The following SLC25A16 variants were observed in gnomAD, a reference collection of about 807,000 sequenced individuals.
SLC25A16 encodes mitochondrial coenzyme A transporter SLC25A16.
In SLC25A16, 39 loss-of-function variants were observed where a neutral mutation model predicts 41.5. The ratio of observed to expected loss-of-function variants is 0.94; its 90% confidence interval spans 0.73 to 1.23. SLC25A16 has a LOEUF of 1.23. SLC25A16 is among the 50% of genes most tolerant of loss of function. The probability of loss-of-function intolerance (pLI) is 0.00; values close to 1 mark genes in which losing one functional copy is unlikely to be tolerated. For synonymous variants in SLC25A16, 146 were observed against 147.8 expected, an observed-to-expected ratio of 0.99 and a Z score of 0.09; for missense variants, 421 against 426.9, an observed-to-expected ratio of 0.99 and a Z score of 0.12.
At chr10:68,516,341 A>T (rs1393794242) in intron 2 of SLC25A16, among the ~76,000 whole-genome samples, 3 of 152,094 alleles carry the variant, frequency 2.0e-5, no homozygotes, top group Non-Finnish European at 4.4e-5. Context: ...TTTTTAAAAG[A>T]GGCAAAGGCA....
In SLC25A16 at chr10:68,480,108, T is replaced by TC. The variant is rs1218770340; in HGVS notation, c.*3323dup. ...ATTACTGAAAACTAGGAGGTATACC[T>TC]CACTTATCAATCTGGAAACCAGACC... is the stretch of plus-strand genomic sequence containing the variant. On this transcript the variant is annotated 3_prime_UTR_variant, in exon 9 of 9. Transcript: ENST00000609923. 1 of 151,788 alleles carries TC rather than the reference T, an allele frequency of 6.6e-6. No homozygotes were observed. The highest frequency in any genetic ancestry group is 1.5e-5 in the Non-Finnish European group (1 of 67,982). The allele number at this position is 151,788 out of a possible 1,614,324, so 9.4% of individuals were successfully genotyped here.
At chr10:68,525,829 G>C (rs2053328665) in intron 1 of SLC25A16, among the ~76,000 whole-genome samples, 1 of 151,882 alleles carries the variant, frequency 6.6e-6, no homozygotes, top group East Asian at 1.9e-4. Flanking sequence ...TCTGAAACAT[G>C]TGCTGTGTCA....
rs532928404 is a variant in SLC25A16 at position 68,504,075 on chromosome 10, G to C, written c.358-380C>G. 3.1e-5 allele frequency among the ~76,000 whole-genome samples: 4 copies of C among 128,796 alleles called. No homozygotes were observed. In the East Asian group the frequency reaches 9.6e-4, roughly 31 times the overall value. 84.5% of individuals were successfully genotyped at this position (128,796 alleles called of 152,430 possible). A position where few individuals can be genotyped will look rare whatever the true frequency, so the allele number is the denominator to read the frequency against. ...AAGTCTCGCTCTGTGTCCCAGGCTG[G>C]ATTGCAGTGGCACGATCTCGGCTCA... On this transcript the variant is annotated intron_variant, in intron 3 of 8. Coordinates refer to ENST00000609923, the MANE Select transcript of SLC25A16 (RefSeq NM_152707.4).
intron 1 of SLC25A16, among the ~76,000 whole-genome samples, chr10:68,524,002 G>A (rs1313747102): frequency 2.0e-5 from 3 of 150,938 alleles, no homozygotes; most frequent in Non-Finnish European, 4.4e-5. Flanking sequence ...CTGGGAGGCC[G>A]AGGTGGGTGG....
Position 68,484,424 on chromosome 10 carries a change from C to CTT in SLC25A16, c.843-838_843-837dup, listed in dbSNP as rs35608830. The stretch of plus-strand genomic sequence containing the variant: ...TCTGGACCGAAATCTTTTCAAAAAT[C>CTT]TTTTTTTTTTTTTTTTTTTAAGAGA... On this transcript the variant is annotated intron_variant, in intron 8 of 8. Coordinates refer to ENST00000609923, the MANE Select transcript of SLC25A16 (RefSeq NM_152707.4). Among the ~76,000 whole-genome samples the CTT allele has an allele frequency of 7.1e-4, 91 of 127,534 alleles. 1 individual carries two copies. Among genetic ancestry groups the CTT allele is most frequent in the African/African-American group, 1.8e-3 (64 of 34,990 alleles). The allele number at this position is 127,534 out of a possible 152,430, so 83.7% of individuals were successfully genotyped here. A position where few individuals can be genotyped will look rare whatever the true frequency, so the allele number is the denominator to read the frequency against.
intron 8 of SLC25A16, among the ~76,000 whole-genome samples, chr10:68,486,224 AAC>A (rs1491054178): frequency 8.0e-6 from 1 of 125,130 alleles, no homozygotes; most frequent in African/African-American, 3.3e-5. Flanking sequence ...GTCTCAAAAA[AAC>A]AAAACAAAAA....
intron 4 of SLC25A16, chr10:68,499,763 A>C (rs2052809615): frequency 7.5e-6 from 3 of 399,668 alleles, no homozygotes; most frequent in African/African-American, 2.1e-5. Context: ...TACAGGAAGA[A>C]ATGTCATCTA....
At chr10:68,525,061 A>G (rs1168961301) in intron 1 of SLC25A16, among the ~76,000 whole-genome samples, 1 of 152,006 alleles carries the variant, frequency 6.6e-6, no homozygotes, top group East Asian at 1.9e-4. Context: ...CAACAACAAC[A>G]ACAAAAAAAA....
rs547037057 is a variant in SLC25A16 at position 68,482,083 on chromosome 10, G to T, written c.*1349C>A. 30 of 152,246 alleles carry T rather than the reference G, an allele frequency of 2.0e-4. No individual in the cohort carries two copies. The highest frequency in any genetic ancestry group is 6.7e-4 in the African/African-American group (28 of 41,534). The allele number at this position is 152,246 out of a possible 1,614,324, so 9.4% of individuals were successfully genotyped here. A position where few individuals can be genotyped will look rare whatever the true frequency, so the allele number is the denominator to read the frequency against. ...CAAAAATTAGCCAGGCGAATTTTTG[G>T]TGGTGGGCACCTGTAGTCCCAGCTA... On this transcript the variant is annotated 3_prime_UTR_variant, in exon 9 of 9. Coordinates refer to ENST00000609923, the MANE Select transcript of SLC25A16 (RefSeq NM_152707.4).
At chr10:68,492,553 G>A (rs905890508) in intron 6 of SLC25A16, among the ~76,000 whole-genome samples, 1 of 152,092 alleles carries the variant, frequency 6.6e-6, no homozygotes, top group Non-Finnish European at 1.5e-5. Context: ...TAGATCACCT[G>A]AGGTCGGGAG....
intron 1 of SLC25A16, among the ~76,000 whole-genome samples, chr10:68,523,298 G>A (rs2053277631): frequency 6.6e-6 from 1 of 151,998 alleles, no homozygotes; most frequent in Non-Finnish European, 1.5e-5. Flanking sequence ...TCACTATGTT[G>A]CCCAGGCTGG....
chr10:68,487,244 A>C, intron 7 of SLC25A16, 32 bp from the exon 8 acceptor site: 1 of 1,597,442 alleles, frequency 6.3e-7, no homozygotes, highest in Middle Eastern at 1.7e-4. Flanking sequence ...AAGAATTAAA[A>C]ATTTTTGGTT....
chr10:68,501,784 G>T (rs963332573), intron 4 of SLC25A16, among the ~76,000 whole-genome samples: 2 of 151,982 alleles, frequency 1.3e-5, no homozygotes, highest in Non-Finnish European at 2.9e-5. Flanking sequence ...AAAAAGTTAC[G>T]TGAGCGAATA....
At chr10:68,511,700 T>C (rs1005580392) in intron 2 of SLC25A16, among the ~76,000 whole-genome samples, 5 of 152,152 alleles carry the variant, frequency 3.3e-5, no homozygotes, top group African/African-American at 1.2e-4. Flanking sequence ...GGTCTAATCC[T>C]TTCTTTTTTG....
chr10:68,484,036 GA>G (rs1278745323), intron 8 of SLC25A16, among the ~76,000 whole-genome samples: 1 of 152,104 alleles, frequency 6.6e-6, no homozygotes, highest in Non-Finnish European at 1.5e-5. Context: ...TTTAACAAGT[GA>G]AAATTTTTTC....
chr10:68,492,833 C>A (rs2052682232), intron 6 of SLC25A16, among the ~76,000 whole-genome samples: 1 of 152,096 alleles, frequency 6.6e-6, no homozygotes, highest in East Asian at 1.9e-4. Context: ...CACTTTTCAA[C>A]TCCTATTTTT....
At position 68,478,150 on chromosome 10, in the gene SLC25A16, G is replaced by T. The variant is rs1228349171; in HGVS notation, c.*5282C>A. ...CCGGCTGAATTTGAATCCTAGATCT[G>T]CCACTTACATGAACCTGGCCAAGTA... On this transcript the variant is annotated 3_prime_UTR_variant, in exon 9 of 9. Transcript: ENST00000609923. 6.6e-6 allele frequency: 1 copy of T among 152,116 alleles called. No individual in the cohort carries two copies. 9.4% of individuals were successfully genotyped at this position (152,116 alleles called of 1,614,324 possible).
rs142803943 is a variant in SLC25A16, at chr10:68,493,185, A to C, written c.557T>G (p.Phe186Cys). Residue 186 changes from phenylalanine (F) to cysteine (C), a missense_variant, in exon 6 of 9, where the codon TTT (phenylalanine) becomes TGT (cysteine). Coordinates refer to ENST00000609923, the MANE Select transcript of SLC25A16 (RefSeq NM_152707.4). ...AGGCATCAGACCTCTGTAAAATCCA[A>C]AGAAACCACCTTCCTTTTGAGTGAA... ...KTIYAKEGGF[F>C]GFYRGLMPTI... The C allele has an allele frequency of 1.9e-6, 3 of 1,595,334 alleles. No homozygotes were observed. In the African/African-American group the frequency reaches 4.1e-5, roughly 22 times the overall value.
At chr10:68,493,397 TTCCTAAGTATA>T in intron 5 of SLC25A16, 41 bp downstream of exon 5, 2 of 1,475,652 alleles carry the variant, frequency 1.4e-6, no homozygotes, top group Non-Finnish European at 1.9e-6. Context: ...TCAAAATATT[TTCCTAAGTATA>T]AAAGGGCATG....
Sources: allele counts gnomAD v4.1 joint callset (sites outside exome capture counted in the v4.1 genomes callset), GRCh38; gene constraint gnomAD v4.1.1; transcripts MANE v1.5; gene names NCBI Gene and HGNC (gene_info 2026-07-23, HGNC 2026-07-21).